RBMS3: variants seen among roughly 807,000 people sequenced by gnomAD.
RBMS3 encodes RNA binding motif single stranded interacting protein 3.
A neutral mutation model predicts 66.8 loss-of-function variants in RBMS3; 27 were observed. The observed-to-expected ratio is 0.40, with a 90% CI of 0.30 to 0.56. RBMS3 has a LOEUF of 0.56. RBMS3 is among the 20% of genes least tolerant of loss of function. The pLI, the probability that RBMS3 is intolerant of heterozygous loss-of-function variation, is 0.40. For missense variants in RBMS3, 513 were observed against 549.5 expected (o/e 0.93, Z 0.66); for synonymous variants, 188 against 183.0 (o/e 1.03, Z -0.22).
At chr3:29,943,740 C>T (rs1426447007) in intron 11 of RBMS3, among the ~76,000 whole-genome samples, 1 of 151,770 alleles carries the variant, frequency 6.6e-6, no homozygotes, top group Non-Finnish European at 1.5e-5. Flanking sequence ...ATTTTGCCTT[C>T]AAAATGTGTT....
chr3:29,816,081 G>A (rs1009265787), intron 6 of RBMS3, among the ~76,000 whole-genome samples: 1 of 152,068 alleles, frequency 6.6e-6, no homozygotes, highest in African/African-American at 2.4e-5. Flanking sequence ...CCAGTTTGGT[G>A]GATGTATAGG....
chr3:29,867,973 G>A (rs2059400655), intron 6 of RBMS3, among the ~76,000 whole-genome samples: 2 of 152,064 alleles, frequency 1.3e-5, no homozygotes, highest in African/African-American at 4.8e-5. Flanking sequence ...AGGCCACTTT[G>A]GCTTTCATTT....
intron 3 of RBMS3, among the ~76,000 whole-genome samples, chr3:29,553,808 T>TAAAAA (rs10634860): frequency 0.067 from 9,446 of 142,008 alleles, 563 homozygotes; most frequent in African/African-American, 0.17. Context: ...ACTGGCTAAT[T>TAAAAA]AAAAAAAAAA....
intron 1 of RBMS3, among the ~76,000 whole-genome samples, chr3:29,301,303 CTTCTA>C (rs923174308): frequency 4.6e-5 from 7 of 152,094 alleles, no homozygotes; most frequent in African/African-American, 9.6e-5. Context: ...CTTTATTCTT[CTTCTA>C]TTCTATCTGT....
intron 3 of RBMS3, among the ~76,000 whole-genome samples, chr3:29,491,330 G>A (rs1422421042): frequency 1.3e-5 from 2 of 152,140 alleles, no homozygotes; most frequent in Non-Finnish European, 2.9e-5. Flanking sequence ...AACAGGGCCT[G>A]TGTGCTATAG....
chr3:29,779,346 T>C (rs2056539683), intron 6 of RBMS3, among the ~76,000 whole-genome samples: 1 of 151,622 alleles, frequency 6.6e-6, no homozygotes, highest in Admixed American at 6.6e-5. Context: ...GAGCTATGTC[T>C]AGAAGAAAAG....
intron 6 of RBMS3, among the ~76,000 whole-genome samples, chr3:29,862,380 A>G (rs1273995486): frequency 6.6e-6 from 1 of 152,192 alleles, no homozygotes; most frequent in Non-Finnish European, 1.5e-5. Context: ...AAGTGTGCAC[A>G]CACACATACA....
chr3:29,960,996 A>T (rs1315860768), intron 12 of RBMS3, among the ~76,000 whole-genome samples: 1 of 152,152 alleles, frequency 6.6e-6, no homozygotes, highest in Non-Finnish European at 1.5e-5. Flanking sequence ...GCTCCTCATT[A>T]CTTATGCAAT....
At chr3:29,376,106 C>G (rs1313326384) in intron 1 of RBMS3, among the ~76,000 whole-genome samples, 7 of 148,040 alleles carry the variant, frequency 4.7e-5, no homozygotes, top group African/African-American at 1.8e-4. Flanking sequence ...AACCAAGTGC[C>G]ATGTGTTCTC....
intron 4 of RBMS3, among the ~76,000 whole-genome samples, chr3:29,725,775 G>A (rs2053839103): frequency 1.3e-5 from 2 of 152,118 alleles, no homozygotes; most frequent in South Asian, 4.1e-4. Flanking sequence ...AATTCTACCA[G>A]ATGTACAAAG....
intron 6 of RBMS3, among the ~76,000 whole-genome samples, chr3:29,825,762 T>G (rs1410853048): frequency 8.5e-5 from 13 of 152,182 alleles, no homozygotes; most frequent in Non-Finnish European, 7.3e-5. Flanking sequence ...AAGAAATTGC[T>G]TCCCCAAAAT....
chr3:29,534,857 C>T (rs1332377177), intron 3 of RBMS3, among the ~76,000 whole-genome samples: 1 of 151,530 alleles, frequency 6.6e-6, no homozygotes, highest in Non-Finnish European at 1.5e-5. Context: ...ATAACTGTAA[C>T]ATTAATTGGA....
At chr3:29,350,097 T>G (rs899223841) in intron 1 of RBMS3, among the ~76,000 whole-genome samples, 8 of 151,336 alleles carry the variant, frequency 5.3e-5, no homozygotes, top group Admixed American at 2.6e-4. Context: ...GAGGCGGAGG[T>G]TGCAGTGAAC....
chr3:29,552,408 A>G (rs1462148532), intron 3 of RBMS3, among the ~76,000 whole-genome samples: 1 of 152,166 alleles, frequency 6.6e-6, no homozygotes, highest in Non-Finnish European at 1.5e-5. Context: ...TAATGAAAAC[A>G]GTCTTTGTAC....
intron 7 of RBMS3, among the ~76,000 whole-genome samples, chr3:29,874,429 TC>T (rs1427788704): frequency 6.6e-6 from 1 of 152,222 alleles, no homozygotes; most frequent in East Asian, 1.9e-4. Context: ...ATCACTATTT[TC>T]TTTGTTTATA....
Position 29,587,166 on chromosome 3 carries a change from A to G in RBMS3, c.360A>G (p.Ala120=), listed in dbSNP as rs979388224. The change falls in exon 4 of 15, where the codon GCA becomes GCG. Residue 120 remains alanine, a synonymous_variant. Coordinates refer to ENST00000383767, the MANE Select transcript of RBMS3 (RefSeq NM_001003793.3). The part of the protein sequence containing the change: ...DSPAAAQKAV[A]SLKANGVQAQ... ...CTGCAGCCGCACAGAAAGCGGTAGC[A>G]TCTCTCAAGGCAAATGGCGTGCAGG... The G allele has an allele frequency of 1.9e-6, 3 of 1,604,674 alleles. No individual in the cohort carries two copies. Among genetic ancestry groups the G allele is most frequent in the Non-Finnish European group, 2.5e-6 (3 of 1,176,678 alleles).
chr3:29,982,677 A>G (rs1170717362), intron 12 of RBMS3, among the ~76,000 whole-genome samples: 1 of 152,210 alleles, frequency 6.6e-6, no homozygotes, highest in Non-Finnish European at 1.5e-5. Context: ...TTTACCCAGT[A>G]GTCATTCAGG....
At position 29,917,806 on chromosome 3, in the gene RBMS3, AC is replaced by A. The variant is rs540039401; in HGVS notation, c.939+18052del. ...AAGTGTGTGCAATATTTTTCCTATT[AC>A]TTTGTAACAAAACGTTTGTGAACCT... On this transcript the variant is annotated intron_variant, in intron 10 of 14. Coordinates refer to ENST00000383767, the MANE Select transcript of RBMS3 (RefSeq NM_001003793.3). Among the ~76,000 whole-genome samples the A allele has an allele frequency of 1.5e-3, 229 of 152,182 alleles. 1 individual carries two copies. The highest frequency in any genetic ancestry group is 0.014 in the Admixed American group (208 of 15,282).
chr3:29,992,573 G>C (rs1321790193), intron 14 of RBMS3, among the ~76,000 whole-genome samples: 1 of 152,100 alleles, frequency 6.6e-6, no homozygotes, highest in African/African-American at 2.4e-5. Context: ...CTGCACTCCA[G>C]CCTGGGTGAC....
Sources: allele counts gnomAD v4.1 joint callset (sites outside exome capture counted in the v4.1 genomes callset), GRCh38; gene constraint gnomAD v4.1.1; transcripts MANE v1.5; gene names NCBI Gene and HGNC (gene_info 2026-07-23, HGNC 2026-07-21).